The following LCLAT1 variants were observed in gnomAD, a reference collection of about 807,000 sequenced individuals.
LCLAT1 encodes lysocardiolipin acyltransferase 1.
In LCLAT1, 11 loss-of-function variants were observed where a neutral mutation model predicts 30.7. The ratio of observed to expected loss-of-function variants is 0.36; its 90% confidence interval spans 0.23 to 0.59. LCLAT1 has a LOEUF of 0.59. LCLAT1 is among the 20% of genes least tolerant of loss of function. The probability of loss-of-function intolerance (pLI) is 0.77; values close to 1 mark genes in which losing one functional copy is unlikely to be tolerated. For missense variants in LCLAT1, 402 were observed against 458.6 expected (o/e 0.88, Z 1.13); for synonymous variants, 155 against 151.3 (o/e 1.02, Z -0.18).
chr2:30,607,370 C>G (rs546738968), intron 5 of LCLAT1: 29 of 152,194 alleles, frequency 1.9e-4, no homozygotes, highest in African/African-American at 6.7e-4. Flanking sequence ...TCTTGTGTAC[C>G]TGTGTAAGAA....
intron 1 of LCLAT1, among the ~76,000 whole-genome samples, chr2:30,503,524 A>G (rs1484644864): frequency 3.9e-5 from 6 of 152,202 alleles, no homozygotes; most frequent in Admixed American, 2.0e-4. Flanking sequence ...TACCCTAATC[A>G]TTTTGAAATG....
chr2:30,449,137 A>G (rs1681415686), intron 1 of LCLAT1, among the ~76,000 whole-genome samples: 1 of 152,206 alleles, frequency 6.6e-6, no homozygotes, highest in Admixed American at 6.5e-5. Flanking sequence ...ATATCACACA[A>G]TTAGCATTGT....
chr2:30,455,306 G>C (rs775339938), intron 1 of LCLAT1, among the ~76,000 whole-genome samples: 3 of 152,136 alleles, frequency 2.0e-5, no homozygotes, highest in Non-Finnish European at 4.4e-5. Context: ...TGGAGATGGG[G>C]AGATATTTAT....
chr2:30,570,233 G>T (rs527344750), intron 5 of LCLAT1, among the ~76,000 whole-genome samples: 1 of 152,306 alleles, frequency 6.6e-6, no homozygotes, highest in African/African-American at 2.4e-5. Context: ...AGTTGTGACA[G>T]CTGGTCTCCC....
At chr2:30,569,399 A>G (rs1462312310) in intron 5 of LCLAT1, among the ~76,000 whole-genome samples, 1 of 152,232 alleles carries the variant, frequency 6.6e-6, no homozygotes, top group Non-Finnish European at 1.5e-5. Context: ...AAACATACTG[A>G]AGTGTTAATT....
chr2:30,615,237 T>C lies in LCLAT1; in HGVS notation c.629-24880T>C, dbSNP rs986183778. Among the ~76,000 whole-genome samples the C allele has an allele frequency of 6.6e-5, 10 of 151,906 alleles. No homozygotes were observed. The South Asian group carries it at 2.1e-3, about 32-fold the overall frequency. The stretch of plus-strand genomic sequence containing the variant: ...CCTGAGTAGGCAAGAGCAGGTGAGA[T>C]AGAAGACATAGGTGGAGGGATTGGC... On this transcript the variant is annotated intron_variant, in intron 5 of 5. Coordinates refer to ENST00000379509, the MANE Select transcript of LCLAT1 (RefSeq NM_001002257.3).
At chr2:30,562,038 A>G (rs1328126415) in intron 3 of LCLAT1, 108 bp from the exon 4 acceptor site, 4 of 669,424 alleles carry the variant, frequency 6.0e-6, no homozygotes, top group Admixed American at 6.5e-5. Context: ...AATGTTTACA[A>G]TAATAAATAA....
At chr2:30,546,951 AGATTCATCTTATTGGC>A (rs1664449499) in intron 3 of LCLAT1, among the ~76,000 whole-genome samples, 1 of 152,096 alleles carries the variant, frequency 6.6e-6, no homozygotes, top group South Asian at 2.1e-4. Context: ...TAAGATGAAT[AGATTCATCTTATTGGC>A]GATTTTGTGC....
intron 1 of LCLAT1, among the ~76,000 whole-genome samples, chr2:30,474,834 T>G (rs1682968866): frequency 6.6e-6 from 1 of 151,900 alleles, no homozygotes; most frequent in South Asian, 2.1e-4. Context: ...AAATTTTTTG[T>G]AGAGATGAGG....
intron 5 of LCLAT1, among the ~76,000 whole-genome samples, chr2:30,604,480 A>G (rs1227681856): frequency 6.6e-6 from 1 of 152,128 alleles, no homozygotes; most frequent in African/African-American, 2.4e-5. Flanking sequence ...ATGAATGAGT[A>G]TGTGTTCCAA....
chr2:30,530,633 A>G (rs1316157142), intron 2 of LCLAT1, among the ~76,000 whole-genome samples: 1 of 152,138 alleles, frequency 6.6e-6, no homozygotes, highest in Non-Finnish European at 1.5e-5. Context: ...GTAACCTGAA[A>G]TTCCTGGACT....
chr2:30,471,585 G>T (rs1682797011), intron 1 of LCLAT1, among the ~76,000 whole-genome samples: 1 of 152,062 alleles, frequency 6.6e-6, no homozygotes, highest in South Asian at 2.1e-4. Flanking sequence ...AATGTTTTGT[G>T]GTTTTCAAAG....
intron 5 of LCLAT1, among the ~76,000 whole-genome samples, chr2:30,619,311 C>T (rs1668137676): frequency 6.6e-6 from 1 of 152,160 alleles, no homozygotes; most frequent in African/African-American, 2.4e-5. Flanking sequence ...ATGAAACTTA[C>T]TTCCCCACAT....
intron 5 of LCLAT1, among the ~76,000 whole-genome samples, chr2:30,598,505 A>G (rs1188214046): frequency 6.7e-6 from 1 of 148,814 alleles, no homozygotes; most frequent in Non-Finnish European, 1.5e-5. Context: ...TCCCCTTATC[A>G]TTTTGTATTG....
At chr2:30,622,527 C>A (rs1331284604) in intron 5 of LCLAT1, among the ~76,000 whole-genome samples, 1 of 152,202 alleles carries the variant, frequency 6.6e-6, no homozygotes, top group African/African-American at 2.4e-5. Flanking sequence ...AACAAAACTA[C>A]AACCAAGGAC....
intron 1 of LCLAT1, among the ~76,000 whole-genome samples, chr2:30,517,457 C>T (rs950380262): frequency 6.6e-6 from 1 of 152,180 alleles, no homozygotes; most frequent in Non-Finnish European, 1.5e-5. Context: ...CTCTCCTCCC[C>T]CAATTTCTAC....
At chr2:30,525,528 AT>A (rs1685671765) in intron 1 of LCLAT1, 58 bp from the exon 2 acceptor site, 8 of 1,321,434 alleles carry the variant, frequency 6.1e-6, no homozygotes, top group Non-Finnish European at 8.7e-6. Flanking sequence ...TCATCCTGAA[AT>A]TGAATTCGAG....
chr2:30,539,060 A>G (rs1282081063), intron 3 of LCLAT1, among the ~76,000 whole-genome samples: 1 of 151,612 alleles, frequency 6.6e-6, no homozygotes, highest in East Asian at 2.0e-4. Flanking sequence ...ACCTGGTTCA[A>G]GCGATTTTCC....
chr2:30,560,286 GT>G (rs1665141402), intron 3 of LCLAT1, among the ~76,000 whole-genome samples: 6 of 32,146 alleles, frequency 1.9e-4, no homozygotes. Context: ...AAAGTGTGGT[GT>G]GTGTGTGTGT....
Sources: gnomAD v4.1 joint callset for allele counts (sites outside exome capture counted in the v4.1 genomes callset) on GRCh38, gnomAD v4.1.1 for gene constraint, MANE v1.5 for transcripts, NCBI Gene and HGNC (gene_info 2026-07-23, HGNC 2026-07-21) for gene names.